MEX3D: variants seen among roughly 807,000 people sequenced by gnomAD.
The protein encoded by MEX3D is RNA-binding protein MEX3D.
In MEX3D, 4 loss-of-function variants were observed where a neutral mutation model predicts 6.3. The observed-to-expected ratio is 0.64, with a 90% CI of 0.31 to 1.46. The LOEUF is 1.46. Among genes scored for constraint, MEX3D ranks in the 40% most tolerant of loss-of-function variants. MEX3D has a pLI of 0.07. For synonymous variants in MEX3D, 626 were observed against 494.1 expected (o/e 1.27, Z -3.54); for missense variants, 1,038 against 994.4 (o/e 1.04, Z -0.59).
rs1286820242 is a variant in MEX3D, at chr19:1,555,926, G to T, written c.1593C>A (p.Arg531=). Residue 531 remains arginine, a synonymous_variant, in exon 2 of 2, where the codon CGC becomes CGA. Coordinates refer to ENST00000402693, the MANE Select transcript of MEX3D (RefSeq NM_203304.4). ...CGCCCACCGGGTCCGGGGCGCCACG[G>T]CGAGACAGCGGGAGCTCCAGGCGGA... is the stretch of plus-strand genomic sequence containing the variant. ...GGLRLELPLS[R]RGAPDPVGAL... is the part of the protein sequence containing the mutation. 1 of 1,192,432 alleles carries T rather than the reference G, an allele frequency of 8.4e-7. No homozygotes were observed. The highest frequency in any genetic ancestry group is 1.0e-6 in the Non-Finnish European group (1 of 962,854). The allele number at this position is 1,192,432 out of a possible 1,614,324, so 73.9% of individuals were successfully genotyped here. A position where few individuals can be genotyped will look rare whatever the true frequency, so the allele number is the denominator to read the frequency against.
At position 1,556,153 on chromosome 19, in the gene MEX3D, C is replaced by G. The variant is rs1414156131; in HGVS notation, c.1366G>C (p.Asp456His). 4.8e-6 allele frequency: 7 copies of G among 1,473,640 alleles called. No individual in the cohort carries two copies. Among genetic ancestry groups the G allele is most frequent in the Middle Eastern group, 2.0e-4 (1 of 5,066 alleles). The allele number at this position is 1,473,640 out of a possible 1,614,324, so 91.3% of individuals were successfully genotyped here. A position where few individuals can be genotyped will look rare whatever the true frequency, so the allele number is the denominator to read the frequency against. The change falls in exon 2 of 2, where the codon GAC becomes CAC. Residue 456 changes from aspartate to histidine, a missense_variant. Physicochemically the swap from Asp to His is moderately conservative, Grantham distance 81 (BLOSUM62 -1). Around this residue, in one of 5 missense-constraint regions of MEX3D, gnomAD observed 581 missense variants for 516.2 expected, o/e 1.13. Coordinates refer to ENST00000402693, the MANE Select transcript of MEX3D (RefSeq NM_203304.4). This position sits in a 1 kb window ranked among gnomAD's most constrained non-coding sequence, Gnocchi z 7.5. ...AGGTCCAGCGCCAGGAAGTCGAAGT[C>G]GAAGCCGAAGTCGCAGTCGTCGGGG... ...AAPDDCDFGF[D>H]FDFLALDLTV...
In MEX3D at chr19:1,567,787, C is replaced by T. The variant is rs2145579672; in HGVS notation, c.272G>A (p.Gly91Glu). ...GAAGDGAAAAGGADGGAAPEP... is the reference protein window; with the variant it reads ...GAAGDGAAAAEGADGGAAPEP... ...CGGAGCCGCCCCGCCGTCCGCGCCC[C>T]CCGCCGCCGCTGCGCCGTCCCCGGC... Residue 91 changes from glycine (G) to glutamate (E), a missense_variant, in exon 1 of 2, where the codon GGG (glycine) becomes GAG (glutamate). Gly to Glu is a moderately conservative substitution (Grantham distance 98). Around this residue, in one of 5 missense-constraint regions of MEX3D, gnomAD observed 265 missense variants for 206.3 expected, o/e 1.28. Transcript: ENST00000402693. This position sits in a 1 kb window ranked among gnomAD's most constrained non-coding sequence, Gnocchi z 6.5. The T allele has an allele frequency of 2.1e-6, 2 of 964,956 alleles. No homozygotes were observed. Among genetic ancestry groups the T allele is most frequent in the Non-Finnish European group, 2.5e-6 (2 of 811,354 alleles). 59.8% of individuals were successfully genotyped at this position (964,956 alleles called of 1,614,324 possible).
At chr19:1,560,520 C>T (rs558594469) in intron 1 of MEX3D, among the ~76,000 whole-genome samples, 12 of 152,204 alleles carry the variant, frequency 7.9e-5, no homozygotes, top group Non-Finnish European at 1.8e-4. Context: ...GAGGCTGCCC[C>T]GACGTGGCCA....
At position 1,564,886 on chromosome 19, in the gene MEX3D, G is replaced by A. The variant is rs1599328521; in HGVS notation, c.595+2578C>T. On this transcript the variant is annotated intron_variant, in intron 1 of 1. Transcript: ENST00000402693. The stretch of plus-strand genomic sequence containing the variant: ...GCAGGGCCGGGGCACAAAGGACATT[G>A]AAAGGTATGCTTGAGAACGGGGTGG... Among the ~76,000 whole-genome samples the A allele has an allele frequency of 2.0e-5, 3 of 151,998 alleles. No individual in the cohort carries two copies. The East Asian group carries it at 5.8e-4, about 29-fold the overall frequency.
rs2145580033 is a variant in MEX3D, at chr19:1,567,979, T to G, written c.80A>C (p.Asp27Ala). ...CGGGGGCGCAGGTCCGGGTCCGGGG[T>G]CCTCCCCCGCCGCCCCCACGCCGCC... The part of the protein sequence containing the change: ...GGGGVGAAGE[D>A]PGPGPAPPPE... The change falls in exon 1 of 2, where the codon GAC (aspartate) becomes GCC (alanine). Residue 27 changes from aspartate (D) to alanine (A), a missense_variant. Physicochemically the swap from Asp to Ala is moderately radical, Grantham distance 126. Transcript: ENST00000402693. This position sits in a 1 kb window ranked among gnomAD's most constrained non-coding sequence, Gnocchi z 6.5. The G allele has an allele frequency of 1.0e-6, 1 of 968,886 alleles. No homozygotes were observed. The highest frequency in any genetic ancestry group is 6.7e-5 in the Admixed American group (1 of 14,832). 60.0% of individuals were successfully genotyped at this position (968,886 alleles called of 1,614,324 possible).
At chr19:1,559,029 C>T (rs753132516) in intron 1 of MEX3D, among the ~76,000 whole-genome samples, 1 of 151,794 alleles carries the variant, frequency 6.6e-6, no homozygotes, top group Non-Finnish European at 1.5e-5. Flanking sequence ...CTCTTGTTAC[C>T]CAGGCTGGAG....
Position 1,555,361 on chromosome 19 carries a change from G to T in MEX3D, c.*202C>A. ...ACTGTCGTTGAAGGGCTGAGGCGCC[G>T]CCGGGCTGCGGGGTCTCCGTCTCCA... On this transcript the variant is annotated 3_prime_UTR_variant, in exon 2 of 2. Transcript: ENST00000402693. 1 of 1,599,068 alleles carries T rather than the reference G, an allele frequency of 6.3e-7. No homozygotes were observed. The highest frequency in any genetic ancestry group is 8.5e-7 in the Non-Finnish European group (1 of 1,171,682).
In MEX3D at chr19:1,555,211, G is replaced by A. The variant is rs1033944306; in HGVS notation, c.*352C>T. Reference sequence around the variant, plus strand: ...GGAAAAAACGCTGAGCGCTGGAAAAGTCGTGTTTTTTGTTTTGCTTTTTTA... The same window carrying A: ...GGAAAAAACGCTGAGCGCTGGAAAAATCGTGTTTTTTGTTTTGCTTTTTTA... On this transcript the variant is annotated 3_prime_UTR_variant, in exon 2 of 2. Transcript: ENST00000402693. The A allele has an allele frequency of 3.0e-5, 31 of 1,028,880 alleles. 1 individual carries two copies. The East Asian group carries it at 1.5e-3, about 49-fold the overall frequency. The allele number at this position is 1,028,880 out of a possible 1,614,324, so 63.7% of individuals were successfully genotyped here.
In MEX3D at chr19:1,567,621, C is replaced by G. The variant is rs1383385739; in HGVS notation, c.438G>C (p.Val146=). 4 of 1,388,944 alleles carry G rather than the reference C, an allele frequency of 2.9e-6. No homozygotes were observed. Among genetic ancestry groups the G allele is most frequent in the Non-Finnish European group, 3.8e-6 (4 of 1,066,010 alleles). The allele number at this position is 1,388,944 out of a possible 1,614,324, so 86.0% of individuals were successfully genotyped here. ...CGGGGTGGGGCGCGAAGCCCGCGAA[C>G]ACGTCGGGGGGCGACGGCCGGGGCG... ...PPPPRPSPPD[V]FAGFAPHPAA... is the part of the protein sequence containing the mutation. Residue 146 remains valine (V), a synonymous_variant, in exon 1 of 2, where the codon GTG becomes GTC. Coordinates refer to ENST00000402693, the MANE Select transcript of MEX3D (RefSeq NM_203304.4). The surrounding 1 kb of genome is among the most constrained non-coding windows in gnomAD (Gnocchi z 6.5).
chr19:1,559,676 G>A (rs1914670256), intron 1 of MEX3D, among the ~76,000 whole-genome samples: 1 of 152,220 alleles, frequency 6.6e-6, no homozygotes, highest in African/African-American at 2.4e-5. Flanking sequence ...GGAAAACAGT[G>A]TTGCTAACTC....
chr19:1,567,313 C>CT lies in MEX3D; in HGVS notation c.595+150_595+151insA. 1.1e-6 allele frequency: 1 copy of CT among 904,696 alleles called. No individual in the cohort carries two copies. The highest frequency in any genetic ancestry group is 1.5e-6 in the Non-Finnish European group (1 of 673,434). 56.0% of individuals were successfully genotyped at this position (904,696 alleles called of 1,614,324 possible). On this transcript the variant is annotated intron_variant, in intron 1 of 1. Transcript: ENST00000402693. This position sits in a 1 kb window ranked among gnomAD's most constrained non-coding sequence, Gnocchi z 6.5. ...TCCCGCGGCGGCTGCAGGACAAAGG[C>CT]GCAAAGGCAGCGGCCGAGGCCGGAG...
At position 1,555,261 on chromosome 19, in the gene MEX3D, G is replaced by T; in HGVS notation, c.*302C>A. 1 of 1,473,696 alleles carries T rather than the reference G, an allele frequency of 6.8e-7. No individual in the cohort carries two copies. Among genetic ancestry groups the T allele is most frequent in the Non-Finnish European group, 9.2e-7 (1 of 1,085,110 alleles). 91.3% of individuals were successfully genotyped at this position (1,473,696 alleles called of 1,614,324 possible). On this transcript the variant is annotated 3_prime_UTR_variant, in exon 2 of 2. Transcript: ENST00000402693. ...AAAGATCACCCTGGAGGGGAGGGGT[G>T]TCTAAAAATAAGAAAACTAAAAAAA... is the stretch of plus-strand genomic sequence containing the variant.
chr19:1,567,597 G>C lies in MEX3D; in HGVS notation c.462C>G (p.Pro154=). ...PDVFAGFAPH[P]AALGPPTLLA... ...GCAGCGTCGGGGGCCCCAGGGCCGC[G>C]GGGTGGGGCGCGAAGCCCGCGAACA... is the stretch of plus-strand genomic sequence containing the variant. Residue 154 remains proline (P), a synonymous_variant, in exon 1 of 2, where the codon CCC becomes CCG. Coordinates refer to ENST00000402693, the MANE Select transcript of MEX3D (RefSeq NM_203304.4). The surrounding 1 kb of genome is among the most constrained non-coding windows in gnomAD (Gnocchi z 6.5). The C allele has an allele frequency of 1.4e-6, 2 of 1,444,546 alleles. No individual in the cohort carries two copies. The highest frequency in any genetic ancestry group is 1.4e-5 in the South Asian group (1 of 73,178). The allele number at this position is 1,444,546 out of a possible 1,614,324, so 89.5% of individuals were successfully genotyped here.
chr19:1,568,099 G>GCCC lies in MEX3D; in HGVS notation c.-42_-41insGGG. 1 of 974,416 alleles carries GCCC rather than the reference G, an allele frequency of 1.0e-6. No individual in the cohort carries two copies. The highest frequency in any genetic ancestry group is 1.2e-6 in the Non-Finnish European group (1 of 825,332). 60.4% of individuals were successfully genotyped at this position (974,416 alleles called of 1,614,324 possible). On this transcript the variant is annotated 5_prime_UTR_variant, in exon 1 of 2. Transcript: ENST00000402693. ...TGGGGCCCGCGCTCCTGCCGCCCGCGCCGCCGCCGCCGCCCGCGCCGCCCT... is the reference window on the plus strand; with the variant it reads ...TGGGGCCCGCGCTCCTGCCGCCCGCGCCCCCGCCGCCGCCGCCCGCGCCGCCCT...
At chr19:1,559,967 C>T (rs928222410) in intron 1 of MEX3D, among the ~76,000 whole-genome samples, 6 of 152,192 alleles carry the variant, frequency 3.9e-5, no homozygotes, top group South Asian at 4.1e-4. Flanking sequence ...CTGTACAGTC[C>T]GGTGTCCCCC....
chr19:1,556,156 A>G lies in MEX3D; in HGVS notation c.1363T>C (p.Phe455Leu). The G allele has an allele frequency of 2.7e-6, 4 of 1,473,008 alleles. No individual in the cohort carries two copies. Among genetic ancestry groups the G allele is most frequent in the Non-Finnish European group, 1.8e-6 (2 of 1,112,416 alleles). 91.2% of individuals were successfully genotyped at this position (1,473,008 alleles called of 1,614,324 possible). The change falls in exon 2 of 2, where the codon TTC (phenylalanine) becomes CTC (leucine). Residue 455 changes from phenylalanine (F) to leucine (L), a missense_variant. Phe to Leu is a conservative substitution (Grantham distance 22). Around this residue, in one of 5 missense-constraint regions of MEX3D, gnomAD observed 581 missense variants for 516.2 expected, o/e 1.13. Coordinates refer to ENST00000402693, the MANE Select transcript of MEX3D (RefSeq NM_203304.4). The surrounding 1 kb of genome is among the most constrained non-coding windows in gnomAD (Gnocchi z 7.5). ...TCCAGCGCCAGGAAGTCGAAGTCGA[A>G]GCCGAAGTCGCAGTCGTCGGGGGCG... is the stretch of plus-strand genomic sequence containing the variant. ...TAAPDDCDFG[F>L]DFDFLALDLT...
chr19:1,565,874 T>C (rs1811505652), intron 1 of MEX3D, among the ~76,000 whole-genome samples: 1 of 152,206 alleles, frequency 6.6e-6, no homozygotes, highest in Non-Finnish European at 1.5e-5. Context: ...AGCCTGACGC[T>C]GATTCCTGCC....
chr19:1,559,125 C>A (rs908750777), intron 1 of MEX3D, among the ~76,000 whole-genome samples: 2 of 151,896 alleles, frequency 1.3e-5, no homozygotes, highest in African/African-American at 4.8e-5. Context: ...GCTGGCACCA[C>A]CATGCCCAGC....
At chr19:1,559,128 T>C (rs2145571678) in intron 1 of MEX3D, among the ~76,000 whole-genome samples, 1 of 151,974 alleles carries the variant, frequency 6.6e-6, no homozygotes, top group African/African-American at 2.4e-5. Flanking sequence ...GGCACCACCA[T>C]GCCCAGCTTA....
Sources: gnomAD v4.1 joint callset for allele counts (sites outside exome capture counted in the v4.1 genomes callset) on GRCh38, gnomAD v4.1.1 for gene constraint, gnomAD v4.1.1 regional missense constraint, Gnocchi (gnomAD v3.1) non-coding constraint, MANE v1.5 for transcripts, NCBI Gene and HGNC (gene_info 2026-07-23, HGNC 2026-07-21) for gene names.